The following CLASP1 variants were observed in gnomAD, a reference collection of about 807,000 sequenced individuals.
CLASP1 encodes CLIP-associating protein 1.
A neutral mutation model predicts 192.3 loss-of-function variants in CLASP1; 38 were observed. That is an observed-to-expected ratio of 0.20 (90% CI 0.15 to 0.26). The LOEUF (loss-of-function observed/expected upper bound fraction) is 0.26. Among genes scored for constraint, CLASP1 ranks in the 10% least tolerant of loss-of-function variants. CLASP1 has a pLI of 1.00. For missense variants in CLASP1, 1,433 were observed against 1,932.5 expected (o/e 0.74, Z 4.85); for synonymous variants, 691 against 712.8 (o/e 0.97, Z 0.49).
intron 34 of CLASP1, among the ~76,000 whole-genome samples, chr2:121,370,959 T>TGA (rs762287135): frequency 9.9e-5 from 15 of 152,274 alleles, no homozygotes; most frequent in Non-Finnish European, 1.5e-4. Flanking sequence ...GAGGAATCAT[T>TGA]GAGAAGCCAC....
intron 32 of CLASP1, among the ~76,000 whole-genome samples, chr2:121,383,748 C>CAA (rs1419196691): frequency 6.6e-6 from 1 of 151,554 alleles, no homozygotes; most frequent in Non-Finnish European, 1.5e-5. Flanking sequence ...CCTTGCAACT[C>CAA]AGTTTTTCAT....
At chr2:121,632,267 T>C (rs1576623423) in intron 1 of CLASP1, among the ~76,000 whole-genome samples, 1 of 152,136 alleles carries the variant, frequency 6.6e-6, no homozygotes, top group East Asian at 1.9e-4. Flanking sequence ...TATCTTGTAT[T>C]GCAGGCTGGA....
At chr2:121,474,685 A>G (rs1446636679) in intron 8 of CLASP1, among the ~76,000 whole-genome samples, 2 of 152,132 alleles carry the variant, frequency 1.3e-5, no homozygotes, top group East Asian at 3.9e-4. Context: ...GCAGTGAGCC[A>G]AGATCGCATC....
At chr2:121,468,061 C>T (rs1389919775) in intron 9 of CLASP1, among the ~76,000 whole-genome samples, 3 of 152,156 alleles carry the variant, frequency 2.0e-5, no homozygotes, top group African/African-American at 7.2e-5. Context: ...TTCCCCATTG[C>T]TTGTTTTTAT....
intron 16 of CLASP1, among the ~76,000 whole-genome samples, chr2:121,450,263 G>A (rs972343125): frequency 6.6e-6 from 1 of 151,836 alleles, no homozygotes; most frequent in African/African-American, 2.4e-5. Context: ...CCTGGGAGGT[G>A]GAGCTTGCAG....
chr2:121,616,414 T>A (rs554206107), intron 1 of CLASP1, among the ~76,000 whole-genome samples: 8 of 152,002 alleles, frequency 5.3e-5, no homozygotes, highest in African/African-American at 9.6e-5. Context: ...ACCATTGCAC[T>A]CCAGCCTGGC....
At chr2:121,453,158 T>C (rs2085880128) in intron 14 of CLASP1, among the ~76,000 whole-genome samples, 1 of 152,122 alleles carries the variant, frequency 6.6e-6, no homozygotes, top group South Asian at 2.1e-4. Flanking sequence ...TTGGGCATGG[T>C]GGCATGCACT....
Position 121,469,901 on chromosome 2 carries a change from T to C in CLASP1, c.772A>G (p.Thr258Ala), listed in dbSNP as rs771963386. 1.9e-5 allele frequency: 30 copies of C among 1,613,648 alleles called. No individual in the cohort carries two copies. The African/African-American group carries it at 2.4e-4, about 13-fold the overall frequency. The change falls in exon 9 of 40, where the codon ACA becomes GCA. Residue 258 changes from threonine to alanine, a missense_variant. Thr to Ala is a moderately conservative substitution (Grantham distance 58, BLOSUM62 0). Around this residue, in one of 8 missense-constraint regions of CLASP1, gnomAD observed 282 missense variants for 359.9 expected, o/e 0.78. Coordinates refer to ENST00000263710, the Ensembl canonical transcript of CLASP1. Reference sequence around the variant, plus strand: ...GAACTTGGTGGAGCCTTGGATGATGTAGAACTAGCAGAGGAAGGTCTGTTA... The same window carrying C: ...GAACTTGGTGGAGCCTTGGATGATGCAGAACTAGCAGAGGAAGGTCTGTTA...
intron 2 of CLASP1, among the ~76,000 whole-genome samples, chr2:121,533,958 A>G (rs1232880629): frequency 6.6e-6 from 1 of 152,236 alleles, no homozygotes; most frequent in Non-Finnish European, 1.5e-5. Flanking sequence ...CTCTTTTGTA[A>G]AAGAGAGAAG....
chr2:121,444,997 C>T, intron 19 of CLASP1: 3 of 1,306,972 alleles, frequency 2.3e-6, no homozygotes, highest in South Asian at 2.4e-5. Flanking sequence ...GAAGGGATAA[C>T]AGGGAACAGT....
chr2:121,461,170 C>A, exon 11 of CLASP1: 1 of 1,601,308 alleles, frequency 6.2e-7, no homozygotes, highest in East Asian at 2.3e-5. Flanking sequence ...TTATGGATTC[C>A]TCAAGGTCTC....
At chr2:121,476,183 T>C (rs945562242) in intron 8 of CLASP1, among the ~76,000 whole-genome samples, 2 of 152,016 alleles carry the variant, frequency 1.3e-5, no homozygotes, top group African/African-American at 4.8e-5. Context: ...GCTGAACAGG[T>C]CTACTACTGA....
intron 8 of CLASP1, among the ~76,000 whole-genome samples, chr2:121,492,869 T>A (rs1436039163): frequency 6.6e-6 from 1 of 152,096 alleles, no homozygotes; most frequent in Non-Finnish European, 1.5e-5. Context: ...TTTAAAAGCT[T>A]GTATACAAAT....
rs187784573 is a variant in CLASP1, at chr2:121,405,507, A to G, written c.2670-1073T>C. 1.2e-3 allele frequency among the ~76,000 whole-genome samples: 189 copies of G among 152,308 alleles called. 3 individuals are homozygous for G. The highest frequency in any genetic ancestry group is 0.012 in the Admixed American group (189 of 15,300). On this transcript the variant is annotated intron_variant, in intron 25 of 39. Coordinates refer to ENST00000263710, the Ensembl canonical transcript of CLASP1. Reference sequence around the variant, plus strand: ...CCTTTGCCTTTTCTGATCCTTGACTACTACCAAGTCCCATGTTTAAAGTTT... The same window carrying G: ...CCTTTGCCTTTTCTGATCCTTGACTGCTACCAAGTCCCATGTTTAAAGTTT...
Position 121,356,297 on chromosome 2 carries a change from T to C in CLASP1, c.4206+6875A>G, listed in dbSNP as rs183333090. ...GCCAGAAAGACCTTAAAAAATTGGA[T>C]TGACCCTGAGTTTAAGTATCCACCA... is the stretch of plus-strand genomic sequence containing the variant. On this transcript the variant is annotated intron_variant, in intron 37 of 39. Coordinates refer to ENST00000263710, the Ensembl canonical transcript of CLASP1. Among the ~76,000 whole-genome samples, 266 of 152,348 alleles carry C rather than the reference T, an allele frequency of 1.7e-3. 1 individual carries two copies. The highest frequency in any genetic ancestry group is 5.7e-3 in the African/African-American group (237 of 41,586).
intron 39 of CLASP1, among the ~76,000 whole-genome samples, chr2:121,346,662 C>T (rs12622908): frequency 0.21 from 32,293 of 152,238 alleles, 6,559 homozygotes; most frequent in African/African-American, 0.53. Flanking sequence ...CTGTTGCCAC[C>T]ACTGATGCCC....
intron 29 of CLASP1, among the ~76,000 whole-genome samples, chr2:121,398,040 G>A (rs2075580376): frequency 6.6e-6 from 1 of 152,216 alleles, no homozygotes; most frequent in African/African-American, 2.4e-5. Context: ...TGGTGAGGAT[G>A]CAGCAAAACT....
intron 30 of CLASP1, among the ~76,000 whole-genome samples, chr2:121,388,568 A>G (rs543950941): frequency 6.6e-6 from 1 of 152,312 alleles, no homozygotes; most frequent in Non-Finnish European, 1.5e-5. Context: ...TGTGGTAGCG[A>G]GGTAGGCAAA....
At chr2:121,531,091 G>T (rs370015317) in intron 2 of CLASP1, 1 of 658,698 alleles carries the variant, frequency 1.5e-6, no homozygotes. Context: ...AACCAGTAGA[G>T]GGTGCACAAG....
Sources: gnomAD v4.1 joint callset for allele counts (sites outside exome capture counted in the v4.1 genomes callset) on GRCh38, gnomAD v4.1.1 for gene constraint, gnomAD v4.1.1 regional missense constraint, MANE v1.5 for transcripts, NCBI Gene and HGNC (gene_info 2026-07-23, HGNC 2026-07-21) for gene names.